ZNF100: variants seen among roughly 807,000 people sequenced by gnomAD.
ZNF100 encodes zinc finger protein 100 (Y1).
In ZNF100, 12 loss-of-function variants were observed where a neutral mutation model predicts 15.8. The ratio of observed to expected loss-of-function variants is 0.76; its 90% CI spans 0.49 to 1.23. ZNF100 has a LOEUF of 1.23. ZNF100 is among the 50% of genes most tolerant of loss of function. The pLI is 0.00. For synonymous variants in ZNF100, 226 were observed against 214.8 expected, an observed-to-expected ratio of 1.05 and a Z score of -0.45; for missense variants, 670 against 635.6, an observed-to-expected ratio of 1.05 and a Z score of -0.58.
intron 4 of ZNF100, 73 bp downstream of exon 4, chr19:21,743,944 T>G (rs2036166122): frequency 7.1e-7 from 1 of 1,417,984 alleles, no homozygotes; most frequent in East Asian, 2.7e-5. Context: ...CCAAACCACA[T>G]TTTAATGACC....
In ZNF100 at chr19:21,765,707, G is replaced by A. The variant is rs1284787519; in HGVS notation, c.83C>T (p.Ser28Phe). 1 of 1,614,070 alleles carries A rather than the reference G, an allele frequency of 6.2e-7. No individual in the cohort carries two copies. Residue 28 changes from serine to phenylalanine, a missense_variant, in exon 2 of 5, where the codon TCT (serine) becomes TTT (phenylalanine). Transcript: ENST00000358296. ...TCAAGGGGTTACCTTTTCAAAATAAGACTGCACCAGAAGACTCCTCTCAGC... is the reference window on the plus strand; with the variant it reads ...TCAAGGGGTTACCTTTTCAAAATAAAACTGCACCAGAAGACTCCTCTCAGC... ...PGAERSLLVQ[S>F]YFEKGPLTFR...
intron 4 of ZNF100, among the ~76,000 whole-genome samples, chr19:21,737,781 C>G (rs901056609): frequency 6.6e-6 from 1 of 152,130 alleles, no homozygotes; most frequent in Admixed American, 6.5e-5. Context: ...GGATTTACAG[C>G]TGAATTCTAC....
chr19:21,759,146 C>T (rs552225671), intron 2 of ZNF100, among the ~76,000 whole-genome samples: 14 of 152,178 alleles, frequency 9.2e-5, no homozygotes, highest in Non-Finnish European at 1.6e-4. Context: ...ATCTATGTTT[C>T]TGGGCTACTG....
At chr19:21,744,513 C>T (rs573649146) in intron 3 of ZNF100, among the ~76,000 whole-genome samples, 1 of 152,254 alleles carries the variant, frequency 6.6e-6, no homozygotes, top group Admixed American at 6.5e-5. Context: ...GCTGGGACTA[C>T]AGGCGCCTGC....
chr19:21,738,219 C>T (rs117520696), intron 4 of ZNF100, among the ~76,000 whole-genome samples: 1,681 of 114,656 alleles, frequency 0.015, 15 homozygotes, highest in Non-Finnish European at 0.022. Context: ...CCACTGCAGT[C>T]CAGCCTGGGC....
chr19:21,761,993 G>A (rs2036491170), intron 2 of ZNF100, among the ~76,000 whole-genome samples: 1 of 152,134 alleles, frequency 6.6e-6, no homozygotes, highest in South Asian at 2.1e-4. Flanking sequence ...AAGGCAGGCA[G>A]ATCACTTGAG....
At chr19:21,751,026 C>T in intron 2 of ZNF100, 1 of 1,304,412 alleles carries the variant, frequency 7.7e-7, no homozygotes, top group South Asian at 1.2e-5. Flanking sequence ...GCGAGGGCCA[C>T]CACCTGCAGC....
chr19:21,728,688 T>C (rs1210878647), intron 4 of ZNF100, among the ~76,000 whole-genome samples: 1 of 152,026 alleles, frequency 6.6e-6, no homozygotes, highest in East Asian at 1.9e-4. Context: ...ATTATAAAGA[T>C]TGTGACAGGT....
At chr19:21,764,424 G>A (rs1390556976) in intron 2 of ZNF100, among the ~76,000 whole-genome samples, 5 of 151,954 alleles carry the variant, frequency 3.3e-5, no homozygotes, top group Non-Finnish European at 5.9e-5. Context: ...CGGGCAGATC[G>A]CGAGGTTAGG....
intron 4 of ZNF100, among the ~76,000 whole-genome samples, chr19:21,728,422 C>T (rs991700211): frequency 5.9e-5 from 9 of 152,030 alleles, no homozygotes; most frequent in East Asian, 1.9e-4. Context: ...CTGAAAGAAA[C>T]GGTGGTATAC....
chr19:21,747,324 C>T (rs2036229078), intron 2 of ZNF100, among the ~76,000 whole-genome samples: 1 of 151,890 alleles, frequency 6.6e-6, no homozygotes, highest in African/African-American at 2.4e-5. Flanking sequence ...CCACCCACAA[C>T]AATAAACAGA....
intron 2 of ZNF100, chr19:21,751,147 A>G (rs1419556778): frequency 7.4e-7 from 1 of 1,342,682 alleles, no homozygotes; most frequent in Non-Finnish European, 1.1e-6. Flanking sequence ...TGTGCGAGAC[A>G]AGAGGAAGAG....
chr19:21,751,183 G>A, intron 2 of ZNF100: 2 of 1,332,372 alleles, frequency 1.5e-6, no homozygotes, highest in Non-Finnish European at 2.2e-6. Context: ...TCTATCTCCA[G>A]GGCAGCTTAC....
rs1343545737 is a variant in ZNF100 at position 21,726,099 on chromosome 19, CA to C, written c.*583del. 6.6e-6 allele frequency: 1 copy of C among 152,226 alleles called. No homozygotes were observed. Among genetic ancestry groups the C allele is most frequent in the African/African-American group, 2.4e-5 (1 of 41,420 alleles). 9.4% of individuals were successfully genotyped at this position (152,226 alleles called of 1,614,324 possible). A position where few individuals can be genotyped will look rare whatever the true frequency, so the allele number is the denominator to read the frequency against. ...AACGTGTACAGTAAGATCTGTGATACAAGTAAACATATTACAATTCTACTAC... is the reference window on the plus strand; with the variant it reads ...AACGTGTACAGTAAGATCTGTGATACAGTAAACATATTACAATTCTACTAC... On this transcript the variant is annotated 3_prime_UTR_variant, in exon 5 of 5. Transcript: ENST00000358296.
intron 4 of ZNF100, among the ~76,000 whole-genome samples, chr19:21,740,293 T>C (rs2036085119): frequency 1.3e-5 from 2 of 152,192 alleles, no homozygotes; most frequent in African/African-American, 4.8e-5. Context: ...ATCATTTCCT[T>C]GAACCGTATA....
intron 4 of ZNF100, among the ~76,000 whole-genome samples, chr19:21,739,835 A>T (rs771763114): frequency 1.5e-4 from 23 of 150,464 alleles, no homozygotes; most frequent in Admixed American, 7.9e-4. Context: ...TAAATAAAAT[A>T]AAATAAAATT....
intron 4 of ZNF100, among the ~76,000 whole-genome samples, chr19:21,732,627 T>G (rs758067350): frequency 2.2e-4 from 33 of 149,266 alleles, no homozygotes; most frequent in Non-Finnish European, 3.9e-4. Context: ...ATATAAAATA[T>G]ATATATATAT....
chr19:21,728,418 G>C lies in ZNF100; in HGVS notation c.323-429C>G, dbSNP rs528044309. On this transcript the variant is annotated intron_variant, in intron 4 of 4. Transcript: ENST00000358296. ...TCTCTCTTGAAATATAATGCTGAAAGAAACGGTGGTATACTTTGGAGTGAC... is the reference window on the plus strand; with the variant it reads ...TCTCTCTTGAAATATAATGCTGAAACAAACGGTGGTATACTTTGGAGTGAC... 3.3e-5 allele frequency among the ~76,000 whole-genome samples: 5 copies of C among 152,200 alleles called. No individual in the cohort carries two copies. The East Asian group carries it at 9.6e-4, about 29-fold the overall frequency.
intron 4 of ZNF100, among the ~76,000 whole-genome samples, chr19:21,733,691 C>A (rs1440004728): frequency 6.6e-6 from 1 of 152,272 alleles, no homozygotes. Flanking sequence ...AGCACACCCC[C>A]TTCACCAAGA....
Sources: gnomAD v4.1 joint callset for allele counts (sites outside exome capture counted in the v4.1 genomes callset) on GRCh38, gnomAD v4.1.1 for gene constraint, MANE v1.5 for transcripts, NCBI Gene and HGNC (gene_info 2026-07-23, HGNC 2026-07-21) for gene names.